Variants in DHX8 observed in about 807,000 individuals in gnomAD.
DHX8 encodes DEAH-box helicase 8.
In DHX8, 67 loss-of-function variants were observed where a neutral mutation model predicts 140.7. The ratio of observed to expected loss-of-function variants is 0.48; its 90% confidence interval spans 0.39 to 0.58. The LOEUF is 0.58. Ranked by LOEUF, DHX8 falls within the 20% of genes least tolerant of loss-of-function variation. The probability of loss-of-function intolerance (pLI) is 0.00; values close to 1 mark genes in which losing one functional copy is unlikely to be tolerated. For missense variants in DHX8, 887 were observed against 1,550.7 expected (o/e 0.57, Z 7.19); for synonymous variants, 533 against 553.2 (o/e 0.96, Z 0.51).
Position 43,521,500 on chromosome 17 carries a change from T to A in DHX8, c.3198T>A (p.Phe1066Leu). 6.2e-7 allele frequency: 1 copy of A among 1,613,888 alleles called. No homozygotes were observed. The highest frequency in any genetic ancestry group is 8.5e-7 in the Non-Finnish European group (1 of 1,179,990). Residue 1066 changes from phenylalanine to leucine, a missense_variant, in exon 21 of 23, where the codon TTT (phenylalanine) becomes TTA (leucine). This residue lies in a region of DHX8 where 101 missense variants were observed against 168.2 expected (regional missense o/e 0.60). Coordinates refer to ENST00000262415, the MANE Select transcript of DHX8 (RefSeq NM_004941.3). The part of the protein sequence containing the change: ...KFSNPWCYEN[F>L]IQARSLRRAQ... ...CCAACCCATGGTGCTATGAGAACTT[T>A]ATCCAGGCTCGTTCCCTGCGCCGGG...
intron 2 of DHX8, chr17:43,532,909 G>A (rs1315994594): frequency 9.4e-6 from 15 of 1,591,188 alleles, no homozygotes; most frequent in Non-Finnish European, 1.2e-5. Flanking sequence ...TGAAGGAGTG[G>A]CAAATGTCCA....
chr17:43,495,482 A>G (rs1313353077), intron 8 of DHX8, among the ~76,000 whole-genome samples: 2 of 151,914 alleles, frequency 1.3e-5, no homozygotes, highest in Non-Finnish European at 2.9e-5. Flanking sequence ...TTGCCGTGTT[A>G]CCAGTGCTCA....
chr17:43,511,000 T>C (rs1969793482), intron 16 of DHX8, among the ~76,000 whole-genome samples: 1 of 152,204 alleles, frequency 6.6e-6, no homozygotes, highest in African/African-American at 2.4e-5. Context: ...TTGTGTTGTA[T>C]GGGCACAACA....
chr17:43,530,947 A>C (rs886294841), downstream of DHX8, among the ~76,000 whole-genome samples: 1 of 152,152 alleles, frequency 6.6e-6, no homozygotes, highest in African/African-American at 2.4e-5. Flanking sequence ...GACTCCATTC[A>C]GGAGTAGCTG....
chr17:43,541,797 A>C (rs975365392), intron 3 of DHX8, among the ~76,000 whole-genome samples: 3 of 152,022 alleles, frequency 2.0e-5, no homozygotes, highest in African/African-American at 7.2e-5. Flanking sequence ...CCAGTTCACT[A>C]GTTGTGGAGG....
chr17:43,523,585 G>A, intron 22 of DHX8, 43 bp from the exon 23 acceptor site: 1 of 1,609,032 alleles, frequency 6.2e-7, no homozygotes, highest in Middle Eastern at 1.8e-4. Flanking sequence ...GTAGAGTGGG[G>A]CCTATATCCA....
intron 22 of DHX8, among the ~76,000 whole-genome samples, 188 bp downstream of exon 22, chr17:43,522,414 T>G: frequency 6.6e-6 from 1 of 151,990 alleles, no homozygotes; most frequent in East Asian, 1.9e-4. Context: ...ATTAAAATCA[T>G]AGGGGTGAGA....
Position 43,508,408 on chromosome 17 carries a change from T to C in DHX8, c.2390T>C (p.Met797Thr). Residue 797 changes from methionine to threonine, a missense_variant, in exon 16 of 23, where the codon ATG (methionine) becomes ACG (threonine). By Grantham distance (81) the Met-to-Thr change is moderately conservative. This residue lies in a region of DHX8 where 151 missense variants were observed against 388.3 expected (regional missense o/e 0.39). Transcript: ENST00000262415. ...GCTTGTGAGATCCTGTATGAAAGAA[T>C]GAAATCCCTGGGACCTGATGTTCCA... ...DTACEILYER[M>T]KSLGPDVPEL... The C allele has an allele frequency of 1.2e-6, 2 of 1,613,564 alleles. No homozygotes were observed. The highest frequency in any genetic ancestry group is 1.7e-6 in the Non-Finnish European group (2 of 1,179,540).
Position 43,491,220 on chromosome 17 carries a change from C to G in DHX8, c.363C>G (p.Val121=). The change falls in exon 4 of 23, where the codon GTC becomes GTG. Residue 121 remains valine (V), a synonymous_variant. Transcript: ENST00000262415. ...EKEKLKELFP[V]LCQPDNPSVR... Reference sequence around the variant, plus strand: ...AAAAGCTGAAGGAACTCTTCCCAGTCCTTTGCCAACCGGACAACCCTTCTG... The same window carrying G: ...AAAAGCTGAAGGAACTCTTCCCAGTGCTTTGCCAACCGGACAACCCTTCTG... 1 of 1,537,196 alleles carries G rather than the reference C, an allele frequency of 6.5e-7. No homozygotes were observed. The highest frequency in any genetic ancestry group is 8.8e-7 in the Non-Finnish European group (1 of 1,141,978).
chr17:43,517,830 A>C (rs1377052052), intron 18 of DHX8: 1 of 152,862 alleles, frequency 6.5e-6, no homozygotes, highest in African/African-American at 2.4e-5. Context: ...CTCTTTTGGC[A>C]GGAGGAGCTG....
intron 9 of DHX8, among the ~76,000 whole-genome samples, chr17:43,497,042 C>T (rs1463939974): frequency 6.6e-6 from 1 of 152,124 alleles, no homozygotes; most frequent in Non-Finnish European, 1.5e-5. Context: ...TTTACAAGCA[C>T]CTCTGAAGCC....
At chr17:43,529,404 C>A, downstream of DHX8, 6 of 1,471,390 alleles carry the variant, frequency 4.1e-6, no homozygotes, top group Non-Finnish European at 5.6e-6. Flanking sequence ...TTAGGTAAAG[C>A]AAGAATCATG....
In DHX8 at chr17:43,493,970, T is replaced by A. The variant is rs1968695460; in HGVS notation, c.1212+84T>A. 2.1e-6 allele frequency: 3 copies of A among 1,429,186 alleles called. No homozygotes were observed. The African/African-American group carries it at 4.2e-5, about 20-fold the overall frequency. The allele number at this position is 1,429,186 out of a possible 1,614,324, so 88.5% of individuals were successfully genotyped here. A position where few individuals can be genotyped will look rare whatever the true frequency, so the allele number is the denominator to read the frequency against. ...GGGTGTGCCCTGGAGCACGATGGCC[T>A]GGGATAACTTTTGGCCACTGTATTA... On this transcript the variant is annotated intron_variant, in intron 8 of 22. Coordinates refer to ENST00000262415, the MANE Select transcript of DHX8 (RefSeq NM_004941.3).
At chr17:43,505,159 C>T (rs937807006) in intron 12 of DHX8, among the ~76,000 whole-genome samples, 5 of 152,150 alleles carry the variant, frequency 3.3e-5, no homozygotes, top group African/African-American at 1.2e-4. Flanking sequence ...ACCTGTAATC[C>T]GGCACTTTGG....
chr17:43,530,335 C>G, downstream of DHX8: 2 of 1,479,188 alleles, frequency 1.4e-6, no homozygotes, highest in African/African-American at 2.8e-5. Flanking sequence ...CCACAAAATC[C>G]CAGGGAAAGT....
Position 43,489,511 on chromosome 17 carries a change from G to T in DHX8, c.211G>T (p.Val71Phe). The T allele has an allele frequency of 1.9e-6, 3 of 1,610,914 alleles. No individual in the cohort carries two copies. Among genetic ancestry groups the T allele is most frequent in the South Asian group, 2.2e-5 (2 of 90,934 alleles). ...CTTTGATACTTTTAAGGCTTCTCTC[G>T]TCAAAAATGGTGCAGAATTTACGGT... is the stretch of plus-strand genomic sequence containing the variant. ...TTFDTFKASL[V>F]KNGAEFTDSL... Residue 71 changes from valine (V) to phenylalanine (F), a missense_variant, in exon 2 of 23, where the codon GTC becomes TTC. Physicochemically the swap from Val to Phe is conservative, Grantham distance 50. Coordinates refer to ENST00000262415, the MANE Select transcript of DHX8 (RefSeq NM_004941.3).
At position 43,523,748 on chromosome 17, in the gene DHX8, G is replaced by A; in HGVS notation, c.3564G>A (p.Lys1188=). 1 of 1,614,212 alleles carries A rather than the reference G, an allele frequency of 6.2e-7. No individual in the cohort carries two copies. Among genetic ancestry groups the A allele is most frequent in the South Asian group, 1.1e-5 (1 of 91,082 alleles). Residue 1188 remains lysine (K), a synonymous_variant, in exon 23 of 23, where the codon AAG becomes AAA. Transcript: ENST00000262415. The part of the protein sequence containing the change: ...PAFFKVSDPT[K]LSKQKKQQRL... ...TCTTCAAGGTCTCAGACCCAACTAA[G>A]CTAAGCAAACAGAAGAAGCAACAGC...
intron 2 of DHX8, among the ~76,000 whole-genome samples, chr17:43,535,354 T>G (rs1002337895): frequency 2.0e-5 from 3 of 152,190 alleles, no homozygotes; most frequent in African/African-American, 7.2e-5. Context: ...CTTGCCTCAC[T>G]GCAACCTCCG....
chr17:43,500,189 A>G, intron 11 of DHX8, 86 bp downstream of exon 11: 2 of 1,471,692 alleles, frequency 1.4e-6, no homozygotes, highest in Non-Finnish European at 1.8e-6. Context: ...GGCACACACT[A>G]AAAATTTACC....
Sources: allele counts gnomAD v4.1 joint callset (sites outside exome capture counted in the v4.1 genomes callset), GRCh38; gene constraint gnomAD v4.1.1; regional missense constraint gnomAD v4.1.1; transcripts MANE v1.5; gene names NCBI Gene and HGNC (gene_info 2026-07-23, HGNC 2026-07-21).